The following P2RX3 variants were observed in gnomAD, a reference collection of about 807,000 sequenced individuals.
The protein encoded by P2RX3 is P2X purinoceptor 3.
Under a neutral mutation model 51.5 loss-of-function variants are expected in P2RX3, and 41 were observed. That is an observed-to-expected ratio of 0.80 (90% confidence interval 0.62 to 1.03). The LOEUF (loss-of-function observed/expected upper bound fraction) is 1.03, where lower values mean the gene tolerates loss of function less well. Ranked by LOEUF, P2RX3 falls within the 50% of genes least tolerant of loss-of-function variation. The probability of loss-of-function intolerance (pLI) is 0.00; values close to 1 mark genes in which losing one functional copy is unlikely to be tolerated. For missense variants in P2RX3, 459 were observed against 522.1 expected, an observed-to-expected ratio of 0.88 and a Z score of 1.18; for synonymous variants, 185 against 191.6, an observed-to-expected ratio of 0.97 and a Z score of 0.29.
chr11:57,360,952 C>T (rs1856708779), intron 8 of P2RX3, among the ~76,000 whole-genome samples: 1 of 152,180 alleles, frequency 6.6e-6, no homozygotes, highest in African/African-American at 2.4e-5. Flanking sequence ...ATGTCCCAAC[C>T]CCAGCTCATG....
Position 57,349,843 on chromosome 11 carries a change from G to A in P2RX3, c.650G>A (p.Arg217Gln). Residue 217 changes from arginine (R) to glutamine (Q), a missense_variant, in exon 7 of 12, where the codon CGG (arginine) becomes CAG (glutamine). Physicochemically the swap from Arg to Gln is conservative, Grantham distance 43. Coordinates refer to ENST00000263314, the MANE Select transcript of P2RX3 (RefSeq NM_002559.5). ...AAGGACCCTTTCTGCCCCATCTTGC[G>A]GGTAGGGGACGTGGTCAAGTTTGCG... ...PDKDPFCPILRVGDVVKFAGQ... is the reference protein window; with the variant it reads ...PDKDPFCPILQVGDVVKFAGQ... 1 of 1,614,224 alleles carries A rather than the reference G, an allele frequency of 6.2e-7. No individual in the cohort carries two copies. Among genetic ancestry groups the A allele is most frequent in the Non-Finnish European group, 8.5e-7 (1 of 1,180,036 alleles).
intron 1 of P2RX3, among the ~76,000 whole-genome samples, chr11:57,341,165 C>T (rs1856333330): frequency 6.6e-6 from 1 of 152,172 alleles, no homozygotes; most frequent in Admixed American, 6.5e-5. Context: ...TTGGGAAGAG[C>T]ACCTGGGCTG....
intron 7 of P2RX3, chr11:57,350,533 C>G: frequency 2.0e-6 from 1 of 492,616 alleles, no homozygotes; most frequent in South Asian, 2.7e-5. Flanking sequence ...CCGCCCGCCT[C>G]GGCCTCCCAA....
intron 1 of P2RX3, among the ~76,000 whole-genome samples, chr11:57,344,896 G>A (rs1856404258): frequency 1.6e-5 from 2 of 124,966 alleles, no homozygotes; most frequent in African/African-American, 5.0e-5. Flanking sequence ...ATAAGTGGCT[G>A]GGACCCCCGG....
intron 8 of P2RX3, among the ~76,000 whole-genome samples, chr11:57,357,742 C>CTCTAA (rs1236090186): frequency 1.3e-5 from 2 of 152,188 alleles, no homozygotes; most frequent in African/African-American, 2.4e-5. Context: ...TTGGGCCCTT[C>CTCTAA]TCTAAGGAGA....
At chr11:57,366,759 G>C (rs970926436) in intron 8 of P2RX3, among the ~76,000 whole-genome samples, 2 of 152,140 alleles carry the variant, frequency 1.3e-5, no homozygotes, top group Admixed American at 6.5e-5. Flanking sequence ...CTGCAGTCTC[G>C]GGCGCAGGGT....
chr11:57,339,648 G>A (rs974568962), intron 1 of P2RX3, among the ~76,000 whole-genome samples: 3 of 152,174 alleles, frequency 2.0e-5, no homozygotes, highest in Non-Finnish European at 4.4e-5. Context: ...CAGAAACCTC[G>A]AAGGTTTTCT....
intron 6 of P2RX3, 74 bp downstream of exon 6, chr11:57,348,778 G>A: frequency 9.3e-7 from 1 of 1,071,104 alleles, no homozygotes; most frequent in South Asian, 1.4e-5. Flanking sequence ...CAGGGAAGTG[G>A]AGATGCCCCC....
intron 9 of P2RX3, 57 bp downstream of exon 9, chr11:57,368,159 T>C: frequency 6.4e-7 from 1 of 1,558,182 alleles, no homozygotes; most frequent in Non-Finnish European, 8.9e-7. Context: ...AGACCACCTC[T>C]CGGGTTCTGA....
At chr11:57,364,815 C>A (rs1856773650) in intron 8 of P2RX3, among the ~76,000 whole-genome samples, 1 of 152,116 alleles carries the variant, frequency 6.6e-6, no homozygotes, top group Non-Finnish European at 1.5e-5. Flanking sequence ...TCCCCTCTTT[C>A]CTTGACCTCC....
chr11:57,346,056 C>T (rs538306127), intron 1 of P2RX3, among the ~76,000 whole-genome samples: 1 of 152,254 alleles, frequency 6.6e-6, no homozygotes, highest in Non-Finnish European at 1.5e-5. Context: ...TAGGGTACAG[C>T]CGTGGGCCAA....
chr11:57,348,088 T>A (rs982749066), intron 4 of P2RX3, 82 bp from the exon 5 acceptor site: 9 of 1,225,236 alleles, frequency 7.3e-6, no homozygotes, highest in Non-Finnish European at 1.0e-5. Context: ...GGGTCCCTGA[T>A]GGGGGGAAGG....
rs1338625002 is a variant in P2RX3 at position 57,347,032 on chromosome 11, G to A, written c.256-84G>A. The A allele has an allele frequency of 3.6e-6, 5 of 1,370,168 alleles. No individual in the cohort carries two copies. In the African/African-American group the frequency reaches 7.1e-5, roughly 19 times the overall value. 84.9% of individuals were successfully genotyped at this position (1,370,168 alleles called of 1,614,324 possible). ...GACACAAGCCTTGCTTTCCTCATCT[G>A]TAGAGTGGGGATAATCAGTTATAGT... On this transcript the variant is annotated intron_variant, in intron 2 of 11. Coordinates refer to ENST00000263314, the MANE Select transcript of P2RX3 (RefSeq NM_002559.5).
chr11:57,350,517 C>T, intron 7 of P2RX3: 1 of 437,734 alleles, frequency 2.3e-6, no homozygotes, highest in Non-Finnish European at 4.1e-6. Flanking sequence ...CTCCTGACCT[C>T]GTGATCCGCC....
chr11:57,354,758 T>C (rs1003942332), intron 8 of P2RX3, among the ~76,000 whole-genome samples: 5 of 151,972 alleles, frequency 3.3e-5, no homozygotes, highest in African/African-American at 9.7e-5. Context: ...CGTGAGTGTA[T>C]AGGCATTGAT....
At chr11:57,368,555 A>C in intron 10 of P2RX3, 118 bp downstream of exon 10, 1 of 1,118,676 alleles carries the variant, frequency 8.9e-7, no homozygotes, top group East Asian at 2.4e-5. Flanking sequence ...TAAAACCCCT[A>C]CCCCCACTTG....
upstream of P2RX3, among the ~76,000 whole-genome samples, chr11:57,337,238 G>A (rs924513980): frequency 1.2e-4 from 17 of 146,024 alleles, no homozygotes; most frequent in Non-Finnish European, 2.2e-4. Context: ...GTTGCAGTGA[G>A]CTGAGATTGT....
At chr11:57,355,720 A>G (rs1011304062) in intron 8 of P2RX3, among the ~76,000 whole-genome samples, 4 of 152,252 alleles carry the variant, frequency 2.6e-5, no homozygotes, top group Non-Finnish European at 5.9e-5. Flanking sequence ...TATACAAAGT[A>G]ATGACATGGG....
chr11:57,347,420 G>A lies in P2RX3; in HGVS notation c.333G>A (p.Glu111=), dbSNP rs1280945533. 5.1e-6 allele frequency: 8 copies of A among 1,559,788 alleles called. No homozygotes were observed. Among genetic ancestry groups the A allele is most frequent in the Non-Finnish European group, 6.9e-6 (8 of 1,151,380 alleles). ...NQMQGFCPES[E]EKYRCVSDSQ... is the part of the protein sequence containing the mutation. The stretch of plus-strand genomic sequence containing the variant: ...TGTGACCCGTCTGCCCACAGAGTGA[G>A]GAGAAATACCGCTGTGTATCAGACA... The change falls in exon 4 of 12, where the codon GAG becomes GAA. Residue 111 remains glutamate, a synonymous_variant. Coordinates refer to ENST00000263314, the MANE Select transcript of P2RX3 (RefSeq NM_002559.5).
Sources: allele counts gnomAD v4.1 joint callset (sites outside exome capture counted in the v4.1 genomes callset), GRCh38; gene constraint gnomAD v4.1.1; transcripts MANE v1.5; gene names NCBI Gene and HGNC (gene_info 2026-07-23, HGNC 2026-07-21).